The following EML4 variants were observed in gnomAD, a reference collection of about 807,000 sequenced individuals.
The protein encoded by EML4 is echinoderm microtubule-associated protein-like 4.
In EML4, 72 loss-of-function variants were observed where a neutral mutation model predicts 129.0. The ratio of observed to expected loss-of-function variants is 0.56; its 90% CI spans 0.46 to 0.68. The LOEUF (loss-of-function observed/expected upper bound fraction) is 0.68. Ranked by LOEUF, EML4 falls within the 30% of genes least tolerant of loss-of-function variation. The probability of loss-of-function intolerance (pLI) is 0.00; values close to 1 mark genes in which losing one functional copy is unlikely to be tolerated. For missense variants in EML4, 1,363 were observed against 1,190.6 expected, an observed-to-expected ratio of 1.14 and a Z score of -2.13; for synonymous variants, 532 against 405.0, an observed-to-expected ratio of 1.31 and a Z score of -3.77.
intron 1 of EML4, among the ~76,000 whole-genome samples, chr2:42,214,244 T>C (rs578098385): frequency 6.6e-6 from 1 of 152,322 alleles, no homozygotes; most frequent in Admixed American, 6.5e-5. Context: ...TTATGTCTAG[T>C]ACATTTACTC....
intron 1 of EML4, among the ~76,000 whole-genome samples, chr2:42,226,656 C>CAAAATAAAAT (rs377423351): frequency 4.0e-4 from 60 of 150,034 alleles, no homozygotes; most frequent in Non-Finnish European, 8.1e-4. Context: ...GACTCTGTCT[C>CAAAATAAAAT]AAAATAAAAT....
Position 42,256,576 on chromosome 2 carries a change from A to C in EML4, c.284A>C (p.His95Pro). The change falls in exon 3 of 23, where the codon CAT becomes CCT. Residue 95 changes from histidine to proline, a missense_variant. His to Pro is a moderately conservative substitution (Grantham distance 77). Coordinates refer to ENST00000318522, the MANE Select transcript of EML4 (RefSeq NM_019063.5). ...NGSGANRKPS[H>P]TSAVSIAGKE... Reference sequence around the variant, plus strand: ...AGTGGTGCAAACAGAAAACCAAGTCATACCAGTGCTGTCTCAATTGCAGGA... The same window carrying C: ...AGTGGTGCAAACAGAAAACCAAGTCCTACCAGTGCTGTCTCAATTGCAGGA... The C allele has an allele frequency of 1.2e-6, 2 of 1,614,072 alleles. No individual in the cohort carries two copies.
At position 42,256,541 on chromosome 2, in the gene EML4, A is replaced by G; in HGVS notation, c.249A>G (p.Ile83Met). The G allele has an allele frequency of 6.2e-7, 1 of 1,613,784 alleles. No homozygotes were observed. ...SPRAVIPMSC[I>M]TNGSGANRKP... ...GAGCAGTTATTCCCATGTCCTGTAT[A>G]ACCAATGGAAGTGGTGCAAACAGAA... is the stretch of plus-strand genomic sequence containing the variant. The change falls in exon 3 of 23, where the codon ATA becomes ATG. Residue 83 changes from isoleucine to methionine, a missense_variant. Transcript: ENST00000318522.
intron 3 of EML4, among the ~76,000 whole-genome samples, chr2:42,258,442 C>G (rs1572641280): frequency 6.6e-6 from 1 of 151,220 alleles, no homozygotes; most frequent in East Asian, 1.9e-4. Flanking sequence ...CTCTTGTTGC[C>G]CAGGCTGGAG....
intron 1 of EML4, among the ~76,000 whole-genome samples, chr2:42,218,611 T>C (rs1021475107): frequency 2.0e-5 from 3 of 152,124 alleles, no homozygotes; most frequent in Admixed American, 6.6e-5. Context: ...GAGAATACAG[T>C]AGTGGAGGAA....
intron 1 of EML4, among the ~76,000 whole-genome samples, chr2:42,204,021 G>A (rs1433195371): frequency 1.3e-5 from 2 of 152,180 alleles, no homozygotes; most frequent in Non-Finnish European, 2.9e-5. Flanking sequence ...CTGGGTTCAA[G>A]GGATCCTCCC....
chr2:42,329,650 C>CTAA (rs1036103375), intron 22 of EML4, 84 bp from the exon 23 acceptor site: 11 of 1,123,182 alleles, frequency 9.8e-6, no homozygotes, highest in Non-Finnish European at 1.4e-5. Flanking sequence ...TGAGTTTACC[C>CTAA]CCCTTACGTA....
chr2:42,208,781 C>G (rs1395532823), intron 1 of EML4, among the ~76,000 whole-genome samples: 2 of 138,066 alleles, frequency 1.4e-5, no homozygotes, highest in Non-Finnish European at 3.1e-5. Flanking sequence ...GAGACAGGGT[C>G]TCGTTCTGTC....
chr2:42,174,000 A>G (rs1281929863), intron 1 of EML4, among the ~76,000 whole-genome samples: 3 of 152,290 alleles, frequency 2.0e-5, no homozygotes, highest in East Asian at 3.9e-4. Flanking sequence ...TGATTGCTAG[A>G]TTTATCTCTG....
intron 1 of EML4, among the ~76,000 whole-genome samples, chr2:42,185,461 G>GA (rs1332308793): frequency 6.6e-6 from 1 of 152,120 alleles, no homozygotes; most frequent in African/African-American, 2.4e-5. Flanking sequence ...GTTTTTCATA[G>GA]AAAAAAGTTT....
intron 6 of EML4, among the ~76,000 whole-genome samples, chr2:42,278,164 C>T (rs1666763190): frequency 6.6e-6 from 1 of 152,154 alleles, no homozygotes; most frequent in East Asian, 1.9e-4. Flanking sequence ...CCTTTTGTAA[C>T]CATTTCACAA....
At chr2:42,218,243 C>G (rs1198494818) in intron 1 of EML4, among the ~76,000 whole-genome samples, 2 of 151,902 alleles carry the variant, frequency 1.3e-5, no homozygotes, top group Admixed American at 6.6e-5. Flanking sequence ...TTGCTCACTC[C>G]TTATGAGAAT....
chr2:42,286,758 C>G (rs1394536043), intron 10 of EML4, among the ~76,000 whole-genome samples: 1 of 152,152 alleles, frequency 6.6e-6, no homozygotes, highest in Non-Finnish European at 1.5e-5. Flanking sequence ...TTTAAAAATT[C>G]ACAGCAAACT....
At chr2:42,183,485 A>G (rs1671068792) in intron 1 of EML4, among the ~76,000 whole-genome samples, 2 of 152,208 alleles carry the variant, frequency 1.3e-5, no homozygotes, top group Admixed American at 6.5e-5. Flanking sequence ...TCTTGGGGAT[A>G]CAAAACAGGT....
Position 42,295,385 on chromosome 2 carries a change from A to G in EML4, c.1358A>G (p.Tyr453Cys), listed in dbSNP as rs1372477763. ...LTRKQGIFGK[Y>C]EKPKFVQCLA... ...ATTTTTATTGTTTCCTTGTAGAAATATGAAAAGCCAAAATTTGTGCAGTGT... is the reference window on the plus strand; with the variant it reads ...ATTTTTATTGTTTCCTTGTAGAAATGTGAAAAGCCAAAATTTGTGCAGTGT... The change falls in exon 13 of 23, where the codon TAT becomes TGT. Residue 453 changes from tyrosine to cysteine, a missense_variant. Tyr to Cys is a radical substitution (Grantham distance 194). Coordinates refer to ENST00000318522, the MANE Select transcript of EML4 (RefSeq NM_019063.5). 1.9e-6 allele frequency: 3 copies of G among 1,609,812 alleles called. No individual in the cohort carries two copies. The highest frequency in any genetic ancestry group is 2.7e-5 in the African/African-American group (2 of 74,670).
intron 7 of EML4, 143 bp from the exon 8 acceptor site, chr2:42,282,680 C>T: frequency 1.4e-6 from 1 of 715,782 alleles, no homozygotes. Context: ...CGTGTGAGCA[C>T]TCTGCCCGTC....
intron 1 of EML4, among the ~76,000 whole-genome samples, chr2:42,232,555 A>G (rs1674414833): frequency 6.6e-6 from 1 of 152,160 alleles, no homozygotes; most frequent in African/African-American, 2.4e-5. Flanking sequence ...TTTCAAACAC[A>G]TTATATATTC....
intron 19 of EML4, among the ~76,000 whole-genome samples, chr2:42,318,781 C>T (rs1669373418): frequency 1.3e-5 from 2 of 151,996 alleles, no homozygotes; most frequent in South Asian, 2.1e-4. Flanking sequence ...GGCTGGAGTG[C>T]AGTGCCTCAA....
In EML4 at chr2:42,303,091, C is replaced by G. The variant is rs1553391019; in HGVS notation, c.1642-13C>G. 13 of 1,612,298 alleles carry G rather than the reference C, an allele frequency of 8.1e-6. No individual in the cohort carries two copies. The highest frequency in any genetic ancestry group is 1.3e-5 in the African/African-American group (1 of 74,696). On this transcript the variant is annotated splice_polypyrimidine_tract_variant and intron_variant, in intron 14 of 22. Coordinates refer to ENST00000318522, the MANE Select transcript of EML4 (RefSeq NM_019063.5). The stretch of plus-strand genomic sequence containing the variant: ...TTAGTATGTATATGGTGACTTTACA[C>G]TTTTTTTTCTAGGTTCCTGATCAGT...
Sources: allele counts gnomAD v4.1 joint callset (sites outside exome capture counted in the v4.1 genomes callset), GRCh38; gene constraint gnomAD v4.1.1; transcripts MANE v1.5; gene names NCBI Gene and HGNC (gene_info 2026-07-23, HGNC 2026-07-21).